PHKB: variants seen among roughly 807,000 people sequenced by gnomAD.
PHKB encodes the protein phosphorylase b kinase regulatory subunit beta.
Under a neutral mutation model 152.1 loss-of-function variants are expected in PHKB, and 122 were observed. That is an observed-to-expected ratio of 0.80 (90% confidence interval 0.69 to 0.93). The LOEUF (loss-of-function observed/expected upper bound fraction) is 0.93, where lower values mean the gene tolerates loss of function less well. Among genes scored for constraint, PHKB ranks in the 40% least tolerant of loss-of-function variants. The probability of loss-of-function intolerance (pLI) is 0.00; values close to 1 mark genes in which losing one functional copy is unlikely to be tolerated. For synonymous variants in PHKB, 436 were observed against 464.9 expected (o/e 0.94, Z 0.80); for missense variants, 1,304 against 1,328.4 (o/e 0.98, Z 0.29).
Position 47,649,195 on chromosome 16 carries a change from T to G in PHKB, c.1788T>G (p.Asp596Glu). ...YMSQDVFLLI[D>E]DIKNALQFIK... The stretch of plus-strand genomic sequence containing the variant: ...CTCAGGATGTTTTCCTGCTGATAGA[T>G]GACATAAAGGTAGCTTCGGAACACC... The change falls in exon 18 of 31, where the codon GAT becomes GAG. Residue 596 changes from aspartate to glutamate, a missense_variant. Coordinates refer to ENST00000323584, the MANE Select transcript of PHKB (RefSeq NM_000293.3). The G allele has an allele frequency of 6.4e-7, 1 of 1,566,938 alleles. No individual in the cohort carries two copies.
intron 10 of PHKB, among the ~76,000 whole-genome samples, chr16:47,593,112 G>A (rs866382491): frequency 1.4e-5 from 2 of 147,958 alleles, no homozygotes; most frequent in Non-Finnish European, 3.0e-5. Flanking sequence ...AAGAAAAAGA[G>A]GGGGGGGAGG....
chr16:47,587,937 G>A (rs1210077551), intron 9 of PHKB, among the ~76,000 whole-genome samples, 174 bp downstream of exon 9: 1 of 152,126 alleles, frequency 6.6e-6, no homozygotes, highest in Non-Finnish European at 1.5e-5. Flanking sequence ...CTTAGCAAGT[G>A]GACAAGAGTT....
rs1972171401 is a variant in PHKB at position 47,598,948 on chromosome 16, G to A, written c.1363+2417G>A. The A allele has an allele frequency of 1.0e-5, 15 of 1,495,248 alleles. No homozygotes were observed. In the South Asian group the frequency reaches 1.6e-4, roughly 16 times the overall value. The allele number at this position is 1,495,248 out of a possible 1,614,324, so 92.6% of individuals were successfully genotyped here. On this transcript the variant is annotated intron_variant, in intron 13 of 30. Coordinates refer to ENST00000323584, the MANE Select transcript of PHKB (RefSeq NM_000293.3). ...CAATATTCTTAGCCTCTCATGTGGA[G>A]TATTGCACACAGCCAATCCCACAAG...
At position 47,660,580 on chromosome 16, in the gene PHKB, G is replaced by C; in HGVS notation, c.2033+13G>C. The C allele has an allele frequency of 1.2e-6, 2 of 1,612,244 alleles. No homozygotes were observed. The highest frequency in any genetic ancestry group is 2.2e-5 in the South Asian group (2 of 91,044). ...GTGACACAGAAGAGTAAGTCCCTTT[G>C]GGTTATTTCATTTTTGGGTTTTTTG... On this transcript the variant is annotated intron_variant, in intron 21 of 30. Transcript: ENST00000323584.
At chr16:47,510,488 C>G (rs1007994253) in intron 4 of PHKB, among the ~76,000 whole-genome samples, 2 of 152,106 alleles carry the variant, frequency 1.3e-5, no homozygotes, top group Non-Finnish European at 2.9e-5. Flanking sequence ...TCTTTTTGCC[C>G]CTGTTGCTCA....
chr16:47,499,947 G>A, intron 3 of PHKB, 53 bp downstream of exon 3: 2 of 1,604,406 alleles, frequency 1.2e-6, no homozygotes, highest in Non-Finnish European at 1.7e-6. Context: ...ATAGGGTTTT[G>A]TAGGACCAAG....
At chr16:47,539,638 A>G (rs1429853380) in intron 6 of PHKB, among the ~76,000 whole-genome samples, 2 of 152,200 alleles carry the variant, frequency 1.3e-5, no homozygotes, top group Non-Finnish European at 2.9e-5. Flanking sequence ...ATATAATAGT[A>G]TTCATAGCAA....
rs143308581 is a variant in PHKB at position 47,674,068 on chromosome 16, C to T, written c.2630+4651C>T. On this transcript the variant is annotated intron_variant, in intron 26 of 30. Transcript: ENST00000323584. ...AGTGTTTATTTCTAAAACTTTATGGCCTTTATGATCTCTCATACATGATTT... is the reference window on the plus strand; with the variant it reads ...AGTGTTTATTTCTAAAACTTTATGGTCTTTATGATCTCTCATACATGATTT... Among the ~76,000 whole-genome samples the T allele has an allele frequency of 2.6e-3, 403 of 152,100 alleles. 5 individuals carry two copies. The highest frequency in any genetic ancestry group is 9.4e-3 in the African/African-American group (390 of 41,520).
intron 5 of PHKB, among the ~76,000 whole-genome samples, chr16:47,513,927 A>G (rs758574488): frequency 6.6e-6 from 1 of 152,370 alleles, no homozygotes; most frequent in African/African-American, 2.4e-5. Flanking sequence ...GAGTTTCTCA[A>G]CCATTATCAC....
At chr16:47,621,579 T>G (rs1245413621) in intron 14 of PHKB, among the ~76,000 whole-genome samples, 3 of 152,172 alleles carry the variant, frequency 2.0e-5, no homozygotes, top group African/African-American at 4.8e-5. Context: ...AATTTCTACT[T>G]AAAAGATTAA....
intron 11 of PHKB, 26 bp from the exon 12 acceptor site, chr16:47,594,111 A>G (rs1567319353): frequency 8.3e-7 from 1 of 1,209,770 alleles, no homozygotes; most frequent in Non-Finnish European, 1.2e-6. Context: ...CTCAGCTGCT[A>G]TTGGATTTTA....
intron 14 of PHKB, among the ~76,000 whole-genome samples, chr16:47,616,634 G>A (rs185344137): frequency 6.4e-5 from 9 of 141,244 alleles, no homozygotes; most frequent in Middle Eastern, 3.8e-3. Flanking sequence ...ATTAATATAT[G>A]ATATTTTACA....
At position 47,669,321 on chromosome 16, in the gene PHKB, G is replaced by A; in HGVS notation, c.2534G>A (p.Arg845Lys). ...TATAAGTGTAACACCCATGATGAGAGGGAAGCGGTCATTCAGCAAGAACTG... is the reference window on the plus strand; with the variant it reads ...TATAAGTGTAACACCCATGATGAGAAGGAAGCGGTCATTCAGCAAGAACTG... ...IYYKCNTHDEREAVIQQELVI... is the reference protein window; with the variant it reads ...IYYKCNTHDEKEAVIQQELVI... Residue 845 changes from arginine to lysine, a missense_variant, in exon 26 of 31, where the codon AGG (arginine) becomes AAG (lysine). Arg to Lys is a conservative substitution (Grantham distance 26). Coordinates refer to ENST00000323584, the MANE Select transcript of PHKB (RefSeq NM_000293.3). The A allele has an allele frequency of 1.9e-6, 3 of 1,614,080 alleles. No individual in the cohort carries two copies. Among genetic ancestry groups the A allele is most frequent in the Non-Finnish European group, 2.5e-6 (3 of 1,179,942 alleles).
chr16:47,541,926 T>G (rs1222403304), intron 6 of PHKB, among the ~76,000 whole-genome samples: 1 of 152,032 alleles, frequency 6.6e-6, no homozygotes, highest in African/African-American at 2.4e-5. Flanking sequence ...ATTGCAAAAT[T>G]TTTCTCCCAT....
At chr16:47,461,464 C>T (rs770744056) in intron 1 of PHKB, 38 bp downstream of exon 1, 8 of 1,607,534 alleles carry the variant, frequency 5.0e-6, no homozygotes, top group East Asian at 2.2e-5. Flanking sequence ...ACCCGAGTAC[C>T]TTGGGTGGTG....
chr16:47,675,268 G>A (rs533030510), intron 26 of PHKB, among the ~76,000 whole-genome samples: 2 of 152,242 alleles, frequency 1.3e-5, no homozygotes, highest in South Asian at 2.1e-4. Flanking sequence ...CAGTAACAGC[G>A]GGGCTATGCC....
intron 14 of PHKB, among the ~76,000 whole-genome samples, chr16:47,621,045 T>C (rs1032129992): frequency 6.6e-6 from 1 of 152,206 alleles, no homozygotes; most frequent in Admixed American, 6.5e-5. Context: ...GAAATTCAGG[T>C]ACTAGTTCTT....
chr16:47,476,217 A>G (rs1474952550), intron 1 of PHKB, among the ~76,000 whole-genome samples: 1 of 152,144 alleles, frequency 6.6e-6, no homozygotes, highest in Non-Finnish European at 1.5e-5. Flanking sequence ...TATGTAGTCC[A>G]CTGGTAGTTT....
At chr16:47,622,855 C>T (rs927428255) in intron 14 of PHKB, among the ~76,000 whole-genome samples, 3 of 152,174 alleles carry the variant, frequency 2.0e-5, no homozygotes, top group African/African-American at 7.2e-5. Context: ...CACTTGGTCT[C>T]TCATTTTTCA....
Sources: gnomAD v4.1 joint callset for allele counts (sites outside exome capture counted in the v4.1 genomes callset) on GRCh38, gnomAD v4.1.1 for gene constraint, MANE v1.5 for transcripts, NCBI Gene and HGNC (gene_info 2026-07-23, HGNC 2026-07-21) for gene names.